Variants in ZDHHC14 observed in about 807,000 individuals in gnomAD.
The protein encoded by ZDHHC14 is palmitoyltransferase ZDHHC14.
ZDHHC14 carries 16 observed loss-of-function variants against 47.7 expected under a neutral mutation model. The ratio of observed to expected loss-of-function variants is 0.34; its 90% CI spans 0.23 to 0.51. The LOEUF (loss-of-function observed/expected upper bound fraction) is 0.51, where lower values mean the gene tolerates loss of function less well. Among genes scored for constraint, ZDHHC14 ranks in the 20% least tolerant of loss-of-function variants. The pLI, the probability that ZDHHC14 is intolerant of heterozygous loss-of-function variation, is 0.97. For synonymous variants in ZDHHC14, 293 were observed against 278.9 expected (o/e 1.05, Z -0.50); for missense variants, 515 against 662.5 (o/e 0.78, Z 2.44).
At chr6:157,510,850 C>A (rs895273638) in intron 1 of ZDHHC14, among the ~76,000 whole-genome samples, 4 of 152,260 alleles carry the variant, frequency 2.6e-5, no homozygotes, top group Admixed American at 1.3e-4. Context: ...TTCCAATGGC[C>A]TCTGCCTTCC....
intron 1 of ZDHHC14, among the ~76,000 whole-genome samples, chr6:157,515,739 A>G (rs566948872): frequency 2.0e-5 from 3 of 152,052 alleles, no homozygotes; most frequent in African/African-American, 7.2e-5. Context: ...TGCTGGGATT[A>G]CAGACGTGAG....
intron 8 of ZDHHC14, among the ~76,000 whole-genome samples, chr6:157,661,243 C>T (rs898717724): frequency 1.3e-5 from 2 of 152,156 alleles, no homozygotes; most frequent in African/African-American, 2.4e-5. Context: ...GGTTTGCTTC[C>T]TGTGTTGTTG....
At chr6:157,394,786 T>A (rs893395888) in intron 1 of ZDHHC14, among the ~76,000 whole-genome samples, 8 of 152,172 alleles carry the variant, frequency 5.3e-5, no homozygotes, top group African/African-American at 1.9e-4. Flanking sequence ...CCACAGTAAC[T>A]GGAAAACTTA....
intron 2 of ZDHHC14, among the ~76,000 whole-genome samples, chr6:157,577,165 C>G (rs1783339407): frequency 6.6e-6 from 1 of 152,198 alleles, no homozygotes; most frequent in Admixed American, 6.5e-5. Context: ...ACCTCCAGCT[C>G]TATCCATGTT....
At chr6:157,671,798 G>T (rs1778809348) in intron 8 of ZDHHC14, among the ~76,000 whole-genome samples, 1 of 152,150 alleles carries the variant, frequency 6.6e-6, no homozygotes, top group South Asian at 2.1e-4. Context: ...TTTAGCAGTG[G>T]GGAATTCTAG....
intron 1 of ZDHHC14, among the ~76,000 whole-genome samples, chr6:157,384,565 T>C (rs1777275446): frequency 6.6e-6 from 1 of 152,196 alleles, no homozygotes; most frequent in Admixed American, 6.5e-5. Flanking sequence ...TTGCTCTCCA[T>C]GGTTGTTGCT....
At chr6:157,592,761 C>T (rs1057367333) in intron 2 of ZDHHC14, 1 of 1,335,672 alleles carries the variant, frequency 7.5e-7, no homozygotes, top group African/African-American at 1.5e-5. Flanking sequence ...TGCTGTGCTC[C>T]ATTGGCCAGA....
chr6:157,569,300 G>T (rs1473297709), intron 2 of ZDHHC14, among the ~76,000 whole-genome samples: 3 of 151,872 alleles, frequency 2.0e-5, no homozygotes, highest in Admixed American at 6.6e-5. Context: ...GTCTTTGAAG[G>T]TGTGGTTTTA....
In ZDHHC14 at chr6:157,510,782, G is replaced by A. The variant is rs552473376; in HGVS notation, c.246-31803G>A. Among the ~76,000 whole-genome samples, 766 of 152,332 alleles carry A rather than the reference G, an allele frequency of 5.0e-3. 4 individuals are homozygous for A. The highest frequency in any genetic ancestry group is 9.5e-3 in the Non-Finnish European group (646 of 68,036). ...CACGCCCCTTCCCAGCAAGGGGGGC[G>A]TTCATTGCGCAGAGCTCCACCAGGC... On this transcript the variant is annotated intron_variant, in intron 1 of 8. Coordinates refer to ENST00000359775, the MANE Select transcript of ZDHHC14 (RefSeq NM_024630.3).
At chr6:157,653,462 G>A in intron 7 of ZDHHC14, 63 bp from the exon 8 acceptor site, 2 of 1,571,852 alleles carry the variant, frequency 1.3e-6, no homozygotes, top group African/African-American at 2.7e-5. Flanking sequence ...ACCTGAGATA[G>A]TGCTGCTGCA....
At position 157,509,583 on chromosome 6, in the gene ZDHHC14, A is replaced by G. The variant is rs149222714; in HGVS notation, c.246-33002A>G. ...TGTCTCCAGATACTCCCTCTCTGTT[A>G]CTCGCCAAGATGCCCTGCAAGCCAA... is the stretch of plus-strand genomic sequence containing the variant. On this transcript the variant is annotated intron_variant, in intron 1 of 8. Transcript: ENST00000359775. Among the ~76,000 whole-genome samples, 362 of 152,250 alleles carry G rather than the reference A, an allele frequency of 2.4e-3. 2 individuals are homozygous for G. The highest frequency in any genetic ancestry group is 8.4e-3 in the African/African-American group (350 of 41,556).
rs73003548 is a variant in ZDHHC14 at position 157,649,327 on chromosome 6, A to G, written c.965+1959A>G. 4.7e-3 allele frequency among the ~76,000 whole-genome samples: 714 copies of G among 152,254 alleles called. 1 individual carries two copies. The highest frequency in any genetic ancestry group is 7.4e-3 in the Non-Finnish European group (506 of 68,008). ...GAAGGCAGAGCAAGACAAATAAGAC[A>G]TTTGCTTTGTTAAAGTGGGGCCGTA... On this transcript the variant is annotated intron_variant, in intron 7 of 8. Coordinates refer to ENST00000359775, the MANE Select transcript of ZDHHC14 (RefSeq NM_024630.3).
At chr6:157,507,211 T>G (rs911673522) in intron 1 of ZDHHC14, among the ~76,000 whole-genome samples, 1 of 152,214 alleles carries the variant, frequency 6.6e-6, no homozygotes, top group Non-Finnish European at 1.5e-5. Context: ...ATTTTGCACA[T>G]GTAAATATTG....
At chr6:157,436,502 C>G (rs1320437355) in intron 1 of ZDHHC14, among the ~76,000 whole-genome samples, 1 of 149,306 alleles carries the variant, frequency 6.7e-6, no homozygotes, top group East Asian at 2.0e-4. Flanking sequence ...GAGGCAATGA[C>G]CCTGAAGGAG....
At chr6:157,541,575 C>T (rs189123215) in intron 1 of ZDHHC14, among the ~76,000 whole-genome samples, 16 of 152,312 alleles carry the variant, frequency 1.1e-4, no homozygotes, top group Admixed American at 2.6e-4. Flanking sequence ...TTGTTTTCCA[C>T]GCCAGATGTC....
chr6:157,670,741 A>G (rs1298466638), intron 8 of ZDHHC14, among the ~76,000 whole-genome samples: 1 of 151,450 alleles, frequency 6.6e-6, no homozygotes, highest in Non-Finnish European at 1.5e-5. Flanking sequence ...AAAGCCACAG[A>G]AAAGCAAGGA....
chr6:157,468,632 A>C (rs965195830), intron 1 of ZDHHC14, among the ~76,000 whole-genome samples: 1 of 152,250 alleles, frequency 6.6e-6, no homozygotes, highest in East Asian at 1.9e-4. Flanking sequence ...ATGATAAAGC[A>C]GATAGAAGGA....
intron 1 of ZDHHC14, among the ~76,000 whole-genome samples, chr6:157,474,980 C>T (rs1779445271): frequency 6.6e-6 from 1 of 152,158 alleles, no homozygotes. Flanking sequence ...TTTTCCAGAT[C>T]ATTATCATGG....
In ZDHHC14 at chr6:157,586,107, C is replaced by T. The variant is rs927394546; in HGVS notation, c.407-6881C>T. ...TGGAAACAAATCCTCCTGACATCAT[C>T]GGTACTGGGTCTTCCCTCTGGCCTG... On this transcript the variant is annotated intron_variant, in intron 2 of 8. Coordinates refer to ENST00000359775, the MANE Select transcript of ZDHHC14 (RefSeq NM_024630.3). The surrounding 1 kb of genome is among the most constrained non-coding windows in gnomAD (Gnocchi z 4.6). Among the ~76,000 whole-genome samples, 18 of 152,166 alleles carry T rather than the reference C, an allele frequency of 1.2e-4. No individual in the cohort carries two copies. The highest frequency in any genetic ancestry group is 4.8e-5 in the African/African-American group (2 of 41,434).
Sources: gnomAD v4.1 joint callset for allele counts (sites outside exome capture counted in the v4.1 genomes callset) on GRCh38, gnomAD v4.1.1 for gene constraint, Gnocchi (gnomAD v3.1) non-coding constraint, MANE v1.5 for transcripts, NCBI Gene and HGNC (gene_info 2026-07-23, HGNC 2026-07-21) for gene names.